FRMD3: variants seen among roughly 807,000 people sequenced by gnomAD.
FRMD3 encodes the protein FERM domain-containing protein 3.
A neutral mutation model predicts 70.2 loss-of-function variants in FRMD3; 33 were observed. The ratio of observed to expected loss-of-function variants is 0.47; its 90% CI spans 0.36 to 0.63. The LOEUF (loss-of-function observed/expected upper bound fraction) is 0.63, where lower values mean the gene tolerates loss of function less well. Ranked by LOEUF, FRMD3 falls within the 20% of genes least tolerant of loss-of-function variation. The pLI is 0.00. For missense variants in FRMD3, 632 were observed against 711.4 expected, an observed-to-expected ratio of 0.89 and a Z score of 1.27; for synonymous variants, 279 against 255.9, an observed-to-expected ratio of 1.09 and a Z score of -0.86.
intron 8 of FRMD3, 90 bp from the exon 9 acceptor site, chr9:83,310,638 C>A: frequency 1.1e-6 from 1 of 927,028 alleles, no homozygotes; most frequent in South Asian, 1.5e-5. Flanking sequence ...CTCAAAAATG[C>A]CAGGCAGATT....
intron 1 of FRMD3, among the ~76,000 whole-genome samples, chr9:83,519,772 A>T (rs1829531158): frequency 6.6e-6 from 1 of 152,260 alleles, no homozygotes; most frequent in Admixed American, 6.5e-5. Flanking sequence ...GACTTGATAA[A>T]GAAAATGTGG....
At chr9:83,379,955 G>A (rs115969960) in intron 2 of FRMD3, among the ~76,000 whole-genome samples, 3,060 of 151,902 alleles carry the variant, frequency 0.02, 108 homozygotes, top group African/African-American at 0.069. Flanking sequence ...GGCCTCCTTC[G>A]CCTCCCTCCT....
At position 83,309,604 on chromosome 9, in the gene FRMD3, G is replaced by A. The variant is rs765258839; in HGVS notation, c.858C>T (p.Phe286=). The A allele has an allele frequency of 1.3e-6, 2 of 1,588,706 alleles. No individual in the cohort carries two copies. The highest frequency in any genetic ancestry group is 1.7e-5 in the Admixed American group (1 of 58,050). The change falls in exon 10 of 14, where the codon TTC becomes TTT. Residue 286 remains phenylalanine, a synonymous_variant. Coordinates refer to ENST00000304195, the MANE Select transcript of FRMD3 (RefSeq NM_174938.6). ...TGCAGGCAGCTGGTGTTGAAGTATG[G>A]AATGCCAACATGGCTTTTTTCTAAT... The part of the protein sequence containing the change: ...TQKEKKAMLA[F]HTSTPAACKH...
At chr9:83,477,899 T>C (rs1473231127) in intron 1 of FRMD3, among the ~76,000 whole-genome samples, 2 of 152,194 alleles carry the variant, frequency 1.3e-5, no homozygotes, top group Non-Finnish European at 2.9e-5. Flanking sequence ...TTACTTGTCC[T>C]TTCCCGGTAT....
intron 13 of FRMD3, among the ~76,000 whole-genome samples, chr9:83,256,384 G>C (rs1419226160): frequency 6.6e-6 from 1 of 152,140 alleles, no homozygotes; most frequent in Non-Finnish European, 1.5e-5. Flanking sequence ...ATGGATTAAA[G>C]ACTTAAATGT....
chr9:83,569,915 T>C, the FRMD3 span, among the ~76,000 whole-genome samples: 4 of 152,232 alleles, frequency 2.6e-5, no homozygotes, highest in African/African-American at 9.6e-5. Context: ...ATTTTAGTTG[T>C]TTTGTGTTGA....
chr9:83,316,779 T>C (rs1835595678), intron 6 of FRMD3, among the ~76,000 whole-genome samples: 2 of 152,340 alleles, frequency 1.3e-5, no homozygotes, highest in East Asian at 3.9e-4. Flanking sequence ...AATTAACAAC[T>C]ATATTGACAG....
intron 1 of FRMD3, among the ~76,000 whole-genome samples, chr9:83,486,351 C>T (rs1425219873): frequency 1.3e-5 from 2 of 152,152 alleles, no homozygotes; most frequent in East Asian, 3.9e-4. Context: ...TTGGAAGATA[C>T]ATTTGGTAGC....
Position 83,247,996 on chromosome 9 carries a change from G to A in FRMD3, c.1716C>T (p.His572=), listed in dbSNP as rs749488700. Residue 572 remains histidine (H), a synonymous_variant, in exon 14 of 14, where the codon CAC becomes CAT. Coordinates refer to ENST00000304195, the MANE Select transcript of FRMD3 (RefSeq NM_174938.6). ...IRQTPEFEQF[H]YEYYCPLKEW... Reference sequence around the variant, plus strand: ...CCTTGAGGGGACAGTAGTATTCATAGTGAAACTGCTCAAACTCTGGTGTCT... The same window carrying A: ...CCTTGAGGGGACAGTAGTATTCATAATGAAACTGCTCAAACTCTGGTGTCT... 1.9e-6 allele frequency: 3 copies of A among 1,614,090 alleles called. No individual in the cohort carries two copies. Among genetic ancestry groups the A allele is most frequent in the Non-Finnish European group, 1.7e-6 (2 of 1,180,058 alleles).
At chr9:83,513,078 T>C (rs750025643) in intron 1 of FRMD3, among the ~76,000 whole-genome samples, 5 of 152,026 alleles carry the variant, frequency 3.3e-5, no homozygotes, top group African/African-American at 7.3e-5. Flanking sequence ...TAGAGAAACA[T>C]AGAGAAACAT....
intron 1 of FRMD3, among the ~76,000 whole-genome samples, chr9:83,470,333 G>C (rs1379943724): frequency 6.6e-6 from 1 of 152,162 alleles, no homozygotes; most frequent in African/African-American, 2.4e-5. Flanking sequence ...ACTTAGTGTT[G>C]ATCTGGGCTG....
intron 5 of FRMD3, 41 bp from the exon 6 acceptor site, chr9:83,335,680 A>G (rs1337429430): frequency 6.3e-7 from 1 of 1,591,128 alleles, no homozygotes; most frequent in Admixed American, 1.7e-5. Flanking sequence ...GAAAGATTAA[A>G]AACAATAACA....
At chr9:83,279,018 G>A (rs986378724) in intron 13 of FRMD3, 12 of 152,260 alleles carry the variant, frequency 7.9e-5, no homozygotes, top group Non-Finnish European at 7.3e-5. Flanking sequence ...GGCAGGTACT[G>A]AGAAGACCAC....
chr9:83,320,885 G>T (rs901778121), intron 6 of FRMD3, among the ~76,000 whole-genome samples: 2 of 152,108 alleles, frequency 1.3e-5, no homozygotes, highest in African/African-American at 2.4e-5. Flanking sequence ...ACTCATTATT[G>T]GTCAGTTCAG....
chr9:83,301,927 G>A (rs1167681871), intron 10 of FRMD3, among the ~76,000 whole-genome samples: 6 of 152,252 alleles, frequency 3.9e-5, no homozygotes, highest in Admixed American at 2.6e-4. Flanking sequence ...ATCTGCAGGT[G>A]ATCTGATTTG....
chr9:83,496,806 G>C (rs1351999194), intron 1 of FRMD3, among the ~76,000 whole-genome samples: 1 of 152,166 alleles, frequency 6.6e-6, no homozygotes, highest in Non-Finnish European at 1.5e-5. Flanking sequence ...CAAAACAAAT[G>C]AGTGTACTTA....
Position 83,537,339 on chromosome 9 carries a change from C to T in FRMD3, c.147+746G>A, listed in dbSNP as rs952887815. Among the ~76,000 whole-genome samples the T allele has an allele frequency of 2.6e-5, 4 of 152,350 alleles. No homozygotes were observed. The highest frequency in any genetic ancestry group is 4.8e-5 in the African/African-American group (2 of 41,580). On this transcript the variant is annotated intron_variant, in intron 1 of 13. Coordinates refer to ENST00000304195, the MANE Select transcript of FRMD3 (RefSeq NM_174938.6). This position sits in a 1 kb window ranked among gnomAD's most constrained non-coding sequence, Gnocchi z 4.1. The stretch of plus-strand genomic sequence containing the variant: ...GAATGTCCACCAAGATTCCACGGGG[C>T]TCTTTTACCCAGGACCCAGGTTCCT...
intron 13 of FRMD3, among the ~76,000 whole-genome samples, chr9:83,273,023 A>C (rs1252476992): frequency 3.3e-5 from 3 of 92,106 alleles, no homozygotes; most frequent in African/African-American, 7.9e-5. Flanking sequence ...GGCAGCCCCC[A>C]CCCAGCCAGC....
the FRMD3 span, among the ~76,000 whole-genome samples, chr9:83,566,809 GC>G: frequency 1.3e-5 from 2 of 152,094 alleles, no homozygotes; most frequent in Non-Finnish European, 2.9e-5. Context: ...GGGCAGCTCC[GC>G]CCCTGTGGCT....
Sources: allele counts gnomAD v4.1 joint callset (sites outside exome capture counted in the v4.1 genomes callset), GRCh38; gene constraint gnomAD v4.1.1; non-coding constraint Gnocchi (gnomAD v3.1); transcripts MANE v1.5; gene names NCBI Gene and HGNC (gene_info 2026-07-23, HGNC 2026-07-21).